The following NPR3 variants were observed in gnomAD, a reference collection of about 807,000 sequenced individuals.
NPR3 encodes the protein atrial natriuretic peptide receptor 3.
In NPR3, 34 loss-of-function variants were observed where a neutral mutation model predicts 54.5. The ratio of observed to expected loss-of-function variants is 0.62; its 90% confidence interval spans 0.47 to 0.83. The LOEUF (loss-of-function observed/expected upper bound fraction) is 0.83. Ranked by LOEUF, NPR3 falls within the 40% of genes least tolerant of loss-of-function variation. The pLI is 0.00. For synonymous variants in NPR3, 289 were observed against 297.1 expected, an observed-to-expected ratio of 0.97 and a Z score of 0.28; for missense variants, 674 against 720.8, an observed-to-expected ratio of 0.94 and a Z score of 0.74.
At chr5:32,774,674 G>A in intron 3 of NPR3, 34 bp from the exon 4 acceptor site, 1 of 1,576,392 alleles carries the variant, frequency 6.3e-7, no homozygotes, top group Non-Finnish European at 8.7e-7. Flanking sequence ...GTCACTTGGT[G>A]TTTTGGTTCA....
rs60333791 is a variant in NPR3, at chr5:32,695,787, C to G, written c.100+6601C>G. On this transcript the variant is annotated intron_variant, in intron 1 of 5. Transcript: ENST00000509104. ...TCTGGTGATCAATGATGTTGAGCACCTTTTCACATACTTGTTTGCCATTGA... is the reference window on the plus strand; with the variant it reads ...TCTGGTGATCAATGATGTTGAGCACGTTTTCACATACTTGTTTGCCATTGA... 4.5e-3 allele frequency among the ~76,000 whole-genome samples: 681 copies of G among 152,276 alleles called. 11 individuals carry two copies. Among genetic ancestry groups the G allele is most frequent in the African/African-American group, 0.016 (658 of 41,560 alleles).
chr5:32,710,458 C>G, upstream of NPR3: 1 of 445,210 alleles, frequency 2.2e-6, no homozygotes, highest in Non-Finnish European at 3.7e-6. Context: ...AGAAGTTGAA[C>G]CATTCCCTCG....
chr5:32,712,571 C>G, intron 1 of NPR3, 26 bp downstream of exon 1: 1 of 1,501,234 alleles, frequency 6.7e-7, no homozygotes. Flanking sequence ...TCCCGGGCCC[C>G]GGGCCCTAAC....
intron 6 of NPR3, chr5:32,783,510 A>T (rs1449313072): frequency 6.5e-6 from 1 of 152,698 alleles, no homozygotes; most frequent in Non-Finnish European, 1.5e-5. Context: ...AAGCAATTGG[A>T]TGTTCTCATA....
At chr5:32,726,342 G>A (rs1184274615) in intron 2 of NPR3, among the ~76,000 whole-genome samples, 2 of 152,184 alleles carry the variant, frequency 1.3e-5, no homozygotes, top group East Asian at 3.8e-4. Flanking sequence ...AACAAAAGTA[G>A]CCACTGCTTC....
Position 32,743,392 on chromosome 5 carries a change from A to ATGTGTG in NPR3, c.1059+4374_1059+4379dup, listed in dbSNP as rs144093983. ...TCCCAGTTTTACCTATACTCTTTGT[A>ATGTGTG]TGTGTGTGTGTGTGTGTATTAAGTT... On this transcript the variant is annotated intron_variant, in intron 3 of 7. Transcript: ENST00000265074. 9.3e-3 allele frequency among the ~76,000 whole-genome samples: 1,408 copies of ATGTGTG among 151,304 alleles called. 13 individuals are homozygous for ATGTGTG. Among genetic ancestry groups the ATGTGTG allele is most frequent in the African/African-American group, 0.033 (1,343 of 41,258 alleles).
rs1255456292 is a variant in NPR3 at position 32,724,765 on chromosome 5, G to A, written c.837G>A (p.Met279Ile). 2 of 1,613,910 alleles carry A rather than the reference G, an allele frequency of 1.2e-6. No individual in the cohort carries two copies. The highest frequency in any genetic ancestry group is 1.3e-5 in the African/African-American group (1 of 75,016). Residue 279 changes from methionine to isoleucine, a missense_variant, in exon 2 of 8, where the codon ATG (methionine) becomes ATA (isoleucine). Physicochemically the swap from Met to Ile is conservative, Grantham distance 10 (BLOSUM62 1). Transcript: ENST00000265074. ...TGCTGGTGGCGCACAGGCATGGCATGACCAGTGGAGACTACGCCTTCTTCA... is the reference window on the plus strand; with the variant it reads ...TGCTGGTGGCGCACAGGCATGGCATAACCAGTGGAGACTACGCCTTCTTCA... ...SIMLVAHRHGMTSGDYAFFNI... is the reference protein window; with the variant it reads ...SIMLVAHRHGITSGDYAFFNI...
Position 32,701,024 on chromosome 5 carries a change from A to G in NPR3, c.100+11838A>G, listed in dbSNP as rs189135577. ...TTACACTTCCACCAACAGTGTAAAA[A>G]TGTTCCTCTTTCTCCACATCCTCTC... is the stretch of plus-strand genomic sequence containing the variant. On this transcript the variant is annotated intron_variant, in intron 1 of 5. Transcript: ENST00000509104. 1.0e-3 allele frequency among the ~76,000 whole-genome samples: 158 copies of G among 152,276 alleles called. 1 individual carries two copies. Among genetic ancestry groups the G allele is most frequent in the Non-Finnish European group, 3.4e-4 (23 of 68,014 alleles).
At chr5:32,763,555 C>T (rs921635623) in intron 3 of NPR3, among the ~76,000 whole-genome samples, 43 of 151,528 alleles carry the variant, frequency 2.8e-4, no homozygotes, top group African/African-American at 1.0e-3. Flanking sequence ...CTCAAGTGAC[C>T]TGCCCACCTT....
intron 3 of NPR3, among the ~76,000 whole-genome samples, chr5:32,741,084 A>G (rs928175843): frequency 7.6e-6 from 1 of 131,092 alleles, no homozygotes; most frequent in African/African-American, 2.7e-5. Context: ...TAAAGACTCA[A>G]CAGTGGTGCC....
rs373932127 is a variant in NPR3, at chr5:32,783,070, T to C, written c.1426+42T>C. 20 of 1,559,444 alleles carry C rather than the reference T, an allele frequency of 1.3e-5. No homozygotes were observed. In the African/African-American group the frequency reaches 2.7e-4, roughly 21 times the overall value. On this transcript the variant is annotated intron_variant, in intron 6 of 7. Coordinates refer to ENST00000265074, the MANE Select transcript of NPR3 (RefSeq NM_001204375.2). Reference sequence around the variant, plus strand: ...AATTTGCTATGTATGTCATCACCTCTAACCTCAGTGTAATGTAAGTTTAAA... The same window carrying C: ...AATTTGCTATGTATGTCATCACCTCCAACCTCAGTGTAATGTAAGTTTAAA...
chr5:32,708,432 C>T (rs1361580842), upstream of NPR3, among the ~76,000 whole-genome samples: 1 of 151,902 alleles, frequency 6.6e-6, no homozygotes, highest in Admixed American at 6.5e-5. Context: ...TATTAGCCTC[C>T]AAACTTAGCT....
At chr5:32,769,309 C>T (rs887385565) in intron 3 of NPR3, among the ~76,000 whole-genome samples, 1 of 152,190 alleles carries the variant, frequency 6.6e-6, no homozygotes, top group African/African-American at 2.4e-5. Context: ...TGTCCTTTAA[C>T]CCTCGTGCTA....
chr5:32,731,644 G>A (rs1450022055), intron 2 of NPR3, among the ~76,000 whole-genome samples: 1 of 152,058 alleles, frequency 6.6e-6, no homozygotes, highest in Non-Finnish European at 1.5e-5. Context: ...AAAAAATTAT[G>A]TTAAGTTTAT....
At chr5:32,704,005 G>A (rs1246889023) in intron 1 of NPR3, among the ~76,000 whole-genome samples, 1 of 152,222 alleles carries the variant, frequency 6.6e-6, no homozygotes, top group Non-Finnish European at 1.5e-5. Flanking sequence ...GCCCACTGTG[G>A]CAAGGCTTGT....
chr5:32,720,475 T>C (rs1378515309), intron 1 of NPR3, among the ~76,000 whole-genome samples: 2 of 152,192 alleles, frequency 1.3e-5, no homozygotes, highest in Non-Finnish European at 2.9e-5. Flanking sequence ...CTGCTGTTCT[T>C]AGAGTGATTG....
At position 32,786,468 on chromosome 5, in the gene NPR3, T is replaced by A; in HGVS notation, c.*123T>A. The A allele has an allele frequency of 1.5e-6, 1 of 645,418 alleles. No homozygotes were observed. The highest frequency in any genetic ancestry group is 2.8e-6 in the Non-Finnish European group (1 of 360,944). 40.0% of individuals were successfully genotyped at this position (645,418 alleles called of 1,614,324 possible). On this transcript the variant is annotated 3_prime_UTR_variant, in exon 8 of 8. Coordinates refer to ENST00000265074, the MANE Select transcript of NPR3 (RefSeq NM_001204375.2). ...TTCATAATTTTAAGCAGTTAGTAAT[T>A]TCATTTTAAAATTTCTGTAGAAGCT...
intron 1 of NPR3, among the ~76,000 whole-genome samples, chr5:32,701,954 C>T (rs567770030): frequency 6.6e-6 from 1 of 152,340 alleles, no homozygotes; most frequent in African/African-American, 2.4e-5. Context: ...GCCACCACCA[C>T]TGGGACTGTG....
chr5:32,776,142 A>C (rs756101635), intron 4 of NPR3, among the ~76,000 whole-genome samples: 24 of 152,184 alleles, frequency 1.6e-4, no homozygotes, highest in Admixed American at 3.9e-4. Context: ...TTATCTTAAA[A>C]TTTGTATGAA....
Sources: allele counts gnomAD v4.1 joint callset (sites outside exome capture counted in the v4.1 genomes callset), GRCh38; gene constraint gnomAD v4.1.1; transcripts MANE v1.5; gene names NCBI Gene and HGNC (gene_info 2026-07-23, HGNC 2026-07-21).